Variants in ASIC1 observed in about 807,000 individuals in gnomAD.
The protein encoded by ASIC1 is acid-sensing ion channel 1.
In ASIC1, 21 loss-of-function variants were observed where a neutral mutation model predicts 63.4. That is an observed-to-expected ratio of 0.33 (90% CI 0.23 to 0.48). The LOEUF is 0.48. Among genes scored for constraint, ASIC1 ranks in the 20% least tolerant of loss-of-function variants. The pLI is 0.99. For synonymous variants in ASIC1, 258 were observed against 278.2 expected (o/e 0.93, Z 0.72); for missense variants, 478 against 695.5 (o/e 0.69, Z 3.52).
intron 3 of ASIC1, among the ~76,000 whole-genome samples, chr12:50,071,880 G>GCTC (rs1950603208): frequency 6.6e-6 from 1 of 152,194 alleles, no homozygotes; most frequent in Non-Finnish European, 1.5e-5. Flanking sequence ...AGAAACTGCA[G>GCTC]GGAGGCAGGG....
At position 50,078,455 on chromosome 12, in the gene ASIC1, A is replaced by G. The variant is rs144048625; in HGVS notation, c.872A>G (p.Lys291Arg). ...IYLPPPWGTC[K>R]AVTMDSDLDF... ...CTGCCCCCACCCTGGGGCACCTGCA[A>G]AGCTGTTACCATGGACTCGGATTTG... The change falls in exon 6 of 12, where the codon AAA (lysine) becomes AGA (arginine). Residue 291 changes from lysine (K) to arginine (R), a missense_variant. Physicochemically the swap from Lys to Arg is conservative, Grantham distance 26. Coordinates refer to ENST00000447966, the MANE Select transcript of ASIC1 (RefSeq NM_001095.4). This position sits in a 1 kb window ranked among gnomAD's most constrained non-coding sequence, Gnocchi z 6.0. 6.2e-7 allele frequency: 1 copy of G among 1,613,976 alleles called. No homozygotes were observed. The highest frequency in any genetic ancestry group is 8.5e-7 in the Non-Finnish European group (1 of 1,179,938).
At chr12:50,077,884 C>G (rs998133610) in intron 4 of ASIC1, 116 bp from the exon 5 acceptor site, 3 of 1,469,042 alleles carry the variant, frequency 2.0e-6, no homozygotes, top group Admixed American at 4.5e-5. Context: ...AGACTTCCCC[C>G]ACCCCAGCCC....
chr12:50,066,826 A>G (rs1393532354), intron 3 of ASIC1, among the ~76,000 whole-genome samples: 1 of 152,162 alleles, frequency 6.6e-6, no homozygotes, highest in Non-Finnish European at 1.5e-5. Flanking sequence ...GCCTCAGACA[A>G]GATCTTGTCC....
rs1231873142 is a variant in ASIC1, at chr12:50,083,312, C to G, written c.*1663C>G. 1 of 152,322 alleles carries G rather than the reference C, an allele frequency of 6.6e-6. No individual in the cohort carries two copies. The highest frequency in any genetic ancestry group is 2.4e-5 in the African/African-American group (1 of 41,472). 9.4% of individuals were successfully genotyped at this position (152,322 alleles called of 1,614,324 possible). A position where few individuals can be genotyped will look rare whatever the true frequency, so the allele number is the denominator to read the frequency against. ...AAGTGAGGTGGAGGGCCTGCCCCCC[C>G]TCCCTCCACCAGACACTCCTTCCAG... is the stretch of plus-strand genomic sequence containing the variant. On this transcript the variant is annotated 3_prime_UTR_variant, in exon 12 of 12. Coordinates refer to ENST00000447966, the MANE Select transcript of ASIC1 (RefSeq NM_001095.4).
intron 3 of ASIC1, among the ~76,000 whole-genome samples, chr12:50,069,301 T>C (rs1950576695): frequency 6.6e-6 from 1 of 151,634 alleles, no homozygotes; most frequent in South Asian, 2.1e-4. Flanking sequence ...TATTATTTAA[T>C]TTATTTTTTT....
chr12:50,073,118 G>T (rs528502498), intron 3 of ASIC1, among the ~76,000 whole-genome samples: 5 of 152,080 alleles, frequency 3.3e-5, no homozygotes, highest in Non-Finnish European at 7.4e-5. Flanking sequence ...GTGTGTCCTG[G>T]GGGGGTAGGG....
Position 50,081,752 on chromosome 12 carries a change from C to G in ASIC1, c.*103C>G. On this transcript the variant is annotated 3_prime_UTR_variant, in exon 12 of 12. Transcript: ENST00000447966. ...TCTGCCCTGGGGACTCCCCACACTC[C>G]GGGGCAGATCTTTCCTCTTGTCTGT... 1 of 996,828 alleles carries G rather than the reference C, an allele frequency of 1.0e-6. No homozygotes were observed. The highest frequency in any genetic ancestry group is 1.6e-5 in the African/African-American group (1 of 62,110). The allele number at this position is 996,828 out of a possible 1,614,324, so 61.7% of individuals were successfully genotyped here. A position where few individuals can be genotyped will look rare whatever the true frequency, so the allele number is the denominator to read the frequency against.
At chr12:50,079,790 C>T (rs1302993123) in intron 7 of ASIC1, 112 bp from the exon 8 acceptor site, 12 of 1,325,052 alleles carry the variant, frequency 9.1e-6, no homozygotes, top group East Asian at 7.2e-5. Flanking sequence ...GGGCAGGTCA[C>T]GGAAAGAGAA....
chr12:50,063,783 G>T (rs1275841211), intron 3 of ASIC1, among the ~76,000 whole-genome samples: 1 of 152,134 alleles, frequency 6.6e-6, no homozygotes, highest in African/African-American at 2.4e-5. Context: ...TGGGGAGAGA[G>T]AAGTCATCTT....
At position 50,073,833 on chromosome 12, in the gene ASIC1, G is replaced by A. The variant is rs1385592334; in HGVS notation, c.559-3380G>A. 6 of 1,531,474 alleles carry A rather than the reference G, an allele frequency of 3.9e-6. No homozygotes were observed. In the Admixed American group the frequency reaches 9.8e-5, roughly 25 times the overall value. 94.9% of individuals were successfully genotyped at this position (1,531,474 alleles called of 1,614,324 possible). A position where few individuals can be genotyped will look rare whatever the true frequency, so the allele number is the denominator to read the frequency against. ...GCACCAACCACATTTTTGTGGAGGGGGGTCCAGGGCCAAGGCAGGTGCTGT... is the reference window on the plus strand; with the variant it reads ...GCACCAACCACATTTTTGTGGAGGGAGGTCCAGGGCCAAGGCAGGTGCTGT... On this transcript the variant is annotated intron_variant, in intron 3 of 11. Coordinates refer to ENST00000447966, the MANE Select transcript of ASIC1 (RefSeq NM_001095.4).
At chr12:50,081,510 G>A in intron 11 of ASIC1, 35 bp from the exon 12 acceptor site, 6 of 1,610,024 alleles carry the variant, frequency 3.7e-6, no homozygotes, top group South Asian at 2.2e-5. Flanking sequence ...CCCTTCCGAG[G>A]GATAACCCGT....
Position 50,059,253 on chromosome 12 carries a change from A to T in ASIC1, c.362+125A>T, listed in dbSNP as rs1348894708. 7.6e-7 allele frequency: 1 copy of T among 1,310,222 alleles called. No individual in the cohort carries two copies. Among genetic ancestry groups the T allele is most frequent in the African/African-American group, 1.7e-5 (1 of 58,840 alleles). The allele number at this position is 1,310,222 out of a possible 1,614,324, so 81.2% of individuals were successfully genotyped here. On this transcript the variant is annotated intron_variant, in intron 2 of 11. Coordinates refer to ENST00000447966, the MANE Select transcript of ASIC1 (RefSeq NM_001095.4). This position sits in a 1 kb window ranked among gnomAD's most constrained non-coding sequence, Gnocchi z 4.6. Reference sequence around the variant, plus strand: ...TGCCCTTTAACCCACCCCCACCCCCAAACCTGCCACTCACAGCAGAGGAGT... The same window carrying T: ...TGCCCTTTAACCCACCCCCACCCCCTAACCTGCCACTCACAGCAGAGGAGT...
At position 50,057,856 on chromosome 12, in the gene ASIC1, C is replaced by G. The variant is rs546683940; in HGVS notation, c.-77C>G. The stretch of plus-strand genomic sequence containing the variant: ...CCCCTCCGCGACTCGGCGCTGAGCC[C>G]GCCACCGGTCCAGCGCCCCAGGACC... On this transcript the variant is annotated 5_prime_UTR_variant, in exon 1 of 12. Coordinates refer to ENST00000447966, the MANE Select transcript of ASIC1 (RefSeq NM_001095.4). This position sits in a 1 kb window ranked among gnomAD's most constrained non-coding sequence, Gnocchi z 4.7. 4 of 151,646 alleles carry G rather than the reference C, an allele frequency of 2.6e-5. No individual in the cohort carries two copies. The South Asian group carries it at 8.3e-4, about 31-fold the overall frequency. 9.4% of individuals were successfully genotyped at this position (151,646 alleles called of 1,614,324 possible). A position where few individuals can be genotyped will look rare whatever the true frequency, so the allele number is the denominator to read the frequency against.
chr12:50,073,020 G>C (rs1488722133), intron 3 of ASIC1, among the ~76,000 whole-genome samples: 2 of 152,136 alleles, frequency 1.3e-5, no homozygotes, highest in Non-Finnish European at 2.9e-5. Flanking sequence ...GGGAGAATAA[G>C]GGAGAGGACC....
chr12:50,075,647 G>T (rs1950648029), intron 3 of ASIC1, among the ~76,000 whole-genome samples: 1 of 152,172 alleles, frequency 6.6e-6, no homozygotes, highest in African/African-American at 2.4e-5. Flanking sequence ...GTTCTAGGAA[G>T]GGGGAAGGGG....
intron 3 of ASIC1, among the ~76,000 whole-genome samples, chr12:50,075,420 A>G (rs1407521522): frequency 6.6e-6 from 1 of 152,190 alleles, no homozygotes; most frequent in Non-Finnish European, 1.5e-5. Context: ...CAGGGCTGCT[A>G]GCCGGCCTCA....
rs551748168 is a variant in ASIC1, at chr12:50,081,202, G to A, written c.1377+21G>A. ...ACGAGGTAAGCGGGGGCGAGGCCCGGCACGGGGCCACGTGGGGGCGGGGTC... is the reference window on the plus strand; with the variant it reads ...ACGAGGTAAGCGGGGGCGAGGCCCGACACGGGGCCACGTGGGGGCGGGGTC... On this transcript the variant is annotated intron_variant, in intron 10 of 11. Coordinates refer to ENST00000447966, the MANE Select transcript of ASIC1 (RefSeq NM_001095.4). The A allele has an allele frequency of 5.6e-6, 9 of 1,608,196 alleles. No individual in the cohort carries two copies. In the South Asian group the frequency reaches 6.7e-5, roughly 12 times the overall value.
At chr12:50,073,560 T>A in intron 3 of ASIC1, 1 of 1,482,188 alleles carries the variant, frequency 6.7e-7, no homozygotes, top group Non-Finnish European at 8.9e-7. Context: ...TGCAAATCCC[T>A]GGCACCAGGA....
At chr12:50,081,451 C>T in intron 11 of ASIC1, 87 bp downstream of exon 11, 1 of 942,680 alleles carries the variant, frequency 1.1e-6, no homozygotes, top group African/African-American at 1.7e-5. Context: ...CCCGCCTCTG[C>T]CACCACCTTC....
Sources: allele counts gnomAD v4.1 joint callset (sites outside exome capture counted in the v4.1 genomes callset), GRCh38; gene constraint gnomAD v4.1.1; non-coding constraint Gnocchi (gnomAD v3.1); transcripts MANE v1.5; gene names NCBI Gene and HGNC (gene_info 2026-07-23, HGNC 2026-07-21).